Variants in QRFPR observed in about 807,000 individuals in gnomAD.
The protein encoded by QRFPR is pyroglutamylated RF-amide peptide receptor.
QRFPR carries 37 observed loss-of-function variants against 31.3 expected under a neutral mutation model. That is an observed-to-expected ratio of 1.18 (90% CI 0.91 to 1.56). The LOEUF (loss-of-function observed/expected upper bound fraction) is 1.56, where lower values mean the gene tolerates loss of function less well. Ranked by LOEUF, QRFPR falls within the 40% of genes most tolerant of loss-of-function variation. The probability of loss-of-function intolerance (pLI) is 0.00; values close to 1 mark genes in which losing one functional copy is unlikely to be tolerated. For synonymous variants in QRFPR, 197 were observed against 192.0 expected (o/e 1.03, Z -0.22); for missense variants, 542 against 532.5 (o/e 1.02, Z -0.18).
At position 121,341,561 on chromosome 4, in the gene QRFPR, G is replaced by A. The variant is rs1282529011; in HGVS notation, c.341-951C>T. Among the ~76,000 whole-genome samples the A allele has an allele frequency of 2.6e-5, 4 of 152,262 alleles. No individual in the cohort carries two copies. In the East Asian group the frequency reaches 5.8e-4, roughly 22 times the overall value. ...CCAAAGCTTTTTTGAGTGCTGATATGATGCCACAAGTAGAAAATTCCGCAT... is the reference window on the plus strand; with the variant it reads ...CCAAAGCTTTTTTGAGTGCTGATATAATGCCACAAGTAGAAAATTCCGCAT... On this transcript the variant is annotated intron_variant, in intron 1 of 5. Coordinates refer to ENST00000394427, the MANE Select transcript of QRFPR (RefSeq NM_198179.3).
intron 2 of QRFPR, among the ~76,000 whole-genome samples, chr4:121,339,325 A>C (rs919053350): frequency 6.6e-6 from 1 of 152,230 alleles, no homozygotes; most frequent in Admixed American, 6.5e-5. Context: ...TAAATGGCTC[A>C]ATTATAATTA....
At chr4:121,359,225 T>A (rs1725932282) in intron 1 of QRFPR, among the ~76,000 whole-genome samples, 1 of 152,148 alleles carries the variant, frequency 6.6e-6, no homozygotes, top group Admixed American at 6.5e-5. Flanking sequence ...CCTATACATA[T>A]GTTTAGGTTT....
intron 1 of QRFPR, among the ~76,000 whole-genome samples, chr4:121,361,770 T>C (rs1324666174): frequency 6.7e-6 from 1 of 149,988 alleles, no homozygotes; most frequent in Non-Finnish European, 1.5e-5. Context: ...GACTAAAATA[T>C]TTTTTTCACG....
intron 1 of QRFPR, among the ~76,000 whole-genome samples, chr4:121,375,332 C>T (rs552306791): frequency 2.0e-5 from 3 of 152,326 alleles, no homozygotes; most frequent in Admixed American, 6.5e-5. Flanking sequence ...GGAACCCTGA[C>T]ATCTACAAAA....
chr4:121,380,841 C>T lies in QRFPR; in HGVS notation c.-194G>A, dbSNP rs112472687. 3 of 552,230 alleles carry T rather than the reference C, an allele frequency of 5.4e-6. No homozygotes were observed. The highest frequency in any genetic ancestry group is 9.5e-6 in the Non-Finnish European group (3 of 315,422). The allele number at this position is 552,230 out of a possible 1,614,324, so 34.2% of individuals were successfully genotyped here. On this transcript the variant is annotated 5_prime_UTR_variant, in exon 1 of 6. In the 5' UTR this introduces an upstream ATG that the reference lacks. Transcript: ENST00000394427. ...GAGAGCAGCTCAGGGATCAAACCCA[C>T]GATAAAGAGGCGGGAAGCCAAAGCA...
chr4:121,340,571 G>C lies in QRFPR; in HGVS notation c.380C>G (p.Thr127Ser). 6.2e-7 allele frequency: 1 copy of C among 1,614,018 alleles called. No individual in the cohort carries two copies. The highest frequency in any genetic ancestry group is 8.5e-7 in the Non-Finnish European group (1 of 1,179,940). Reference sequence around the variant, plus strand: ...AGTGAGGATTTCTGTCACAACAGCGGTAGACTGGACAAATGGCACCATCTT... The same window carrying C: ...AGTGAGGATTTCTGTCACAACAGCGCTAGACTGGACAAATGGCACCATCTT... ...ICKMVPFVQS[T>S]AVVTEILTMT... Residue 127 changes from threonine to serine, a missense_variant, in exon 2 of 6, where the codon ACC becomes AGC. Thr to Ser is a moderately conservative substitution (Grantham distance 58, BLOSUM62 1). Coordinates refer to ENST00000394427, the MANE Select transcript of QRFPR (RefSeq NM_198179.3).
At chr4:121,358,231 C>T (rs1375141151) in intron 1 of QRFPR, among the ~76,000 whole-genome samples, 1 of 152,146 alleles carries the variant, frequency 6.6e-6, no homozygotes, top group Non-Finnish European at 1.5e-5. Flanking sequence ...TTATTGTCAA[C>T]ATTATAAGAG....
chr4:121,372,027 C>G (rs982354975), intron 1 of QRFPR, among the ~76,000 whole-genome samples: 3 of 152,172 alleles, frequency 2.0e-5, no homozygotes, highest in African/African-American at 7.2e-5. Context: ...ACCCTTAAAC[C>G]ACGGCCAAGA....
At chr4:121,350,366 G>A (rs967933534) in intron 1 of QRFPR, among the ~76,000 whole-genome samples, 1 of 152,186 alleles carries the variant, frequency 6.6e-6, no homozygotes, top group Non-Finnish European at 1.5e-5. Flanking sequence ...AGCGAGCGGT[G>A]TCTGGTGGTT....
chr4:121,340,365 G>A lies in QRFPR; in HGVS notation c.499+87C>T, dbSNP rs757212120. 5.7e-6 allele frequency: 8 copies of A among 1,397,522 alleles called. No individual in the cohort carries two copies. The South Asian group carries it at 7.2e-5, about 13-fold the overall frequency. 86.6% of individuals were successfully genotyped at this position (1,397,522 alleles called of 1,614,324 possible). On this transcript the variant is annotated intron_variant, in intron 2 of 5. Coordinates refer to ENST00000394427, the MANE Select transcript of QRFPR (RefSeq NM_198179.3). ...CCAATGCCTACAAGTTAGATAAGAA[G>A]CTACTCTTCTAGTTTAAAAATATGG...
chr4:121,374,270 T>C (rs1010647995), intron 1 of QRFPR, among the ~76,000 whole-genome samples: 3 of 152,216 alleles, frequency 2.0e-5, no homozygotes, highest in African/African-American at 7.2e-5. Context: ...CTCCAGTTAA[T>C]ATAATCTACT....
At chr4:121,373,906 A>T (rs899423001) in intron 1 of QRFPR, among the ~76,000 whole-genome samples, 1 of 152,130 alleles carries the variant, frequency 6.6e-6, no homozygotes, top group African/African-American at 2.4e-5. Flanking sequence ...TTCATTTTTC[A>T]TATAAAGTCA....
chr4:121,353,120 G>A (rs1725796068), intron 1 of QRFPR, among the ~76,000 whole-genome samples: 1 of 152,052 alleles, frequency 6.6e-6, no homozygotes, highest in African/African-American at 2.4e-5. Context: ...TCATCCATTG[G>A]TGGATATTTA....
intron 1 of QRFPR, among the ~76,000 whole-genome samples, chr4:121,342,708 A>T (rs369644212): frequency 6.6e-6 from 1 of 151,770 alleles, no homozygotes; most frequent in Non-Finnish European, 1.5e-5. Context: ...ATTTTTGTCT[A>T]TTTTTTTCGC....
At chr4:121,340,828 GT>G (rs1180682829) in intron 1 of QRFPR, among the ~76,000 whole-genome samples, 1 of 152,156 alleles carries the variant, frequency 6.6e-6, no homozygotes, top group African/African-American at 2.4e-5. Flanking sequence ...ATGCAATTAT[GT>G]ATAATAAGAC....
chr4:121,370,095 C>G (rs1451058442), intron 1 of QRFPR: 3 of 770,500 alleles, frequency 3.9e-6, no homozygotes, highest in Non-Finnish European at 7.3e-6. Flanking sequence ...TGGCCGATGA[C>G]AGGGACTGGC....
chr4:121,358,746 T>G (rs1377358854), intron 1 of QRFPR, among the ~76,000 whole-genome samples: 1 of 152,208 alleles, frequency 6.6e-6, no homozygotes, highest in Admixed American at 6.5e-5. Flanking sequence ...ATTTATGACA[T>G]AAGCTTGCCA....
At chr4:121,345,874 AAC>A (rs367629007) in intron 1 of QRFPR, among the ~76,000 whole-genome samples, 291 of 152,306 alleles carry the variant, frequency 1.9e-3, no homozygotes, top group African/African-American at 6.7e-3. Context: ...GAAAATTGAA[AAC>A]AGTTTGGGCA....
At chr4:121,380,187 GAGAGAGAGAGAGAGAGAGAGAGAGA>G in intron 1 of QRFPR, 96 bp downstream of exon 1, 1 of 90,794 alleles carries the variant, frequency 1.1e-5, no homozygotes, top group South Asian at 2.4e-4. Flanking sequence ...GACGAGAGAG[GAGAGAGAGAGAGAGAGAGAGAGAGA>G]GAGAGAGAGA....
Sources: gnomAD v4.1 joint callset for allele counts (sites outside exome capture counted in the v4.1 genomes callset) on GRCh38, gnomAD v4.1.1 for gene constraint, MANE v1.5 for transcripts, NCBI Gene and HGNC (gene_info 2026-07-23, HGNC 2026-07-21) for gene names.